ZNF469: variants seen among roughly 807,000 people sequenced by gnomAD.
The protein encoded by ZNF469 is zinc finger protein 469.
ZNF469 carries 1 observed loss-of-function variant against 1.0 expected under a neutral mutation model. The ratio of observed to expected loss-of-function variants is 1.00; its 90% CI spans 0.35 to 4.73. The LOEUF (loss-of-function observed/expected upper bound fraction) is 4.73, where lower values mean the gene tolerates loss of function less well. ZNF469 is among the 30% of genes most tolerant of loss of function. ZNF469 has a pLI of 0.16. For synonymous variants in ZNF469, 2,703 were observed against 2,363.4 expected, an observed-to-expected ratio of 1.14 and a Z score of -4.17; for missense variants, 6,100 against 5,356.3, an observed-to-expected ratio of 1.14 and a Z score of -4.33.
At chr16:88,276,704 TG>T in the ZNF469 span, 13 of 152,278 alleles carry the variant, frequency 8.5e-5, no homozygotes, top group African/African-American at 2.9e-4. Context: ...ATCATAGCAG[TG>T]CATGGGTCAG....
the ZNF469 span, among the ~76,000 whole-genome samples, chr16:88,283,569 A>C: frequency 6.6e-6 from 1 of 152,172 alleles, no homozygotes; most frequent in Admixed American, 6.5e-5. Context: ...TTTTCCCAAT[A>C]AAATGCTGGG....
the ZNF469 span, among the ~76,000 whole-genome samples, chr16:88,135,765 T>A: frequency 1.4e-5 from 2 of 139,896 alleles, 1 homozygote; most frequent in Non-Finnish European, 3.1e-5. Flanking sequence ...TTTTTTTTTT[T>A]TTTTTTTTTT....
At chr16:88,353,802 C>T in the ZNF469 span, among the ~76,000 whole-genome samples, 396 of 152,276 alleles carry the variant, frequency 2.6e-3, 4 homozygotes, top group African/African-American at 8.9e-3. Context: ...GGGGATGCGG[C>T]CACTCGCTGA....
intron 1 of ZNF469, among the ~76,000 whole-genome samples, chr16:88,396,566 CA>C (rs1481058331): frequency 1.3e-5 from 2 of 148,564 alleles, no homozygotes; most frequent in African/African-American, 2.5e-5. Flanking sequence ...GAAGGGAGGC[CA>C]GATGGAGACC....
At chr16:88,178,279 T>G in the ZNF469 span, 2 of 151,044 alleles carry the variant, frequency 1.3e-5, no homozygotes, top group African/African-American at 2.4e-5. Context: ...GGAGGAGGGT[T>G]TGAGAGTGGG....
At chr16:88,265,168 C>T in the ZNF469 span, among the ~76,000 whole-genome samples, 2 of 152,338 alleles carry the variant, frequency 1.3e-5, no homozygotes, top group African/African-American at 4.8e-5. Context: ...TCCCGCTCTG[C>T]CCTGGCCGCC....
the ZNF469 span, among the ~76,000 whole-genome samples, chr16:88,302,255 C>T: frequency 6.6e-6 from 1 of 152,252 alleles, no homozygotes; most frequent in Non-Finnish European, 1.5e-5. Context: ...TGCTGGGAAT[C>T]AGCCTCTTAT....
At chr16:88,239,612 C>T in the ZNF469 span, among the ~76,000 whole-genome samples, 7 of 143,224 alleles carry the variant, frequency 4.9e-5, no homozygotes, top group Middle Eastern at 3.5e-3. Context: ...CTCAGCCTCC[C>T]GAGTAGCTGG....
chr16:88,233,312 A>G, the ZNF469 span, among the ~76,000 whole-genome samples: 1 of 152,108 alleles, frequency 6.6e-6, no homozygotes, highest in Non-Finnish European at 1.5e-5. Flanking sequence ...GAAATCGCCA[A>G]CCTTCAGCAC....
At chr16:88,168,509 G>A in the ZNF469 span, among the ~76,000 whole-genome samples, 1 of 152,336 alleles carries the variant, frequency 6.6e-6, no homozygotes, top group South Asian at 2.1e-4. The surrounding 1 kb of genome is among the most constrained non-coding windows in gnomAD (Gnocchi z 4.3). Context: ...GGTTGCTCGT[G>A]TGTGATTGTG....
the ZNF469 span, among the ~76,000 whole-genome samples, chr16:88,243,949 T>TATATATATATATATATATAA: frequency 2.9e-4 from 27 of 94,258 alleles, 3 homozygotes; most frequent in Non-Finnish European, 5.3e-4. Flanking sequence ...TATATATATA[T>TATATATATATATATATATAA]ATAAATGTAT....
intron 1 of ZNF469, among the ~76,000 whole-genome samples, chr16:88,397,234 A>T (rs574388668): frequency 6.6e-6 from 1 of 152,334 alleles, no homozygotes; most frequent in East Asian, 1.9e-4. Context: ...TCATTGGCGG[A>T]CCCGGTGCCC....
At chr16:88,278,765 G>C in the ZNF469 span, among the ~76,000 whole-genome samples, 5 of 136,912 alleles carry the variant, frequency 3.7e-5, 1 homozygote, top group Non-Finnish European at 8.2e-5. Context: ...GCGCCACGCC[G>C]ACACTTGGTC....
chr16:88,146,350 C>T, the ZNF469 span, among the ~76,000 whole-genome samples: 1 of 152,148 alleles, frequency 6.6e-6, no homozygotes, highest in East Asian at 1.9e-4. Context: ...TGTGCCTGCT[C>T]CATTTATTAA....
the ZNF469 span, among the ~76,000 whole-genome samples, chr16:88,300,283 G>A: frequency 5.3e-5 from 8 of 152,276 alleles, no homozygotes; most frequent in African/African-American, 1.9e-4. Flanking sequence ...AGGGTGGGAG[G>A]TGGCCATGGA....
chr16:88,416,043 T>C (rs1905293545), intron 1 of ZNF469, among the ~76,000 whole-genome samples: 1 of 152,168 alleles, frequency 6.6e-6, no homozygotes, highest in Non-Finnish European at 1.5e-5. Context: ...ATAATCACTT[T>C]TAATTGAAAA....
At chr16:88,376,344 T>G in the ZNF469 span, among the ~76,000 whole-genome samples, 2 of 152,200 alleles carry the variant, frequency 1.3e-5, no homozygotes, top group African/African-American at 4.8e-5. Context: ...GACGTCTGAC[T>G]CCTTCACACA....
Position 88,438,771 on chromosome 16 carries a change from G to A in ZNF469, c.11301G>A (p.Lys3767=), listed in dbSNP as rs1194649271. 1.3e-6 allele frequency: 2 copies of A among 1,550,144 alleles called. No individual in the cohort carries two copies. Among genetic ancestry groups the A allele is most frequent in the Non-Finnish European group, 8.7e-7 (1 of 1,146,894 alleles). ...LQSETATTPA[K]PSFPSRSPAP... is the part of the protein sequence containing the mutation. The stretch of plus-strand genomic sequence containing the variant: ...GCGAGACAGCCACCACCCCAGCCAA[G>A]CCCAGCTTCCCCAGCCGGAGCCCTG... The change falls in exon 3 of 3, where the codon AAG becomes AAA. Residue 3767 remains lysine, a synonymous_variant. Coordinates refer to ENST00000565624, the MANE Select transcript of ZNF469 (RefSeq NM_001367624.2).
chr16:88,158,281 G>A, the ZNF469 span, among the ~76,000 whole-genome samples: 1 of 151,932 alleles, frequency 6.6e-6, no homozygotes, highest in Admixed American at 6.6e-5. Context: ...GGGAGTGGGG[G>A]CAGCTGTAAC....
Sources: allele counts gnomAD v4.1 joint callset (sites outside exome capture counted in the v4.1 genomes callset), GRCh38; gene constraint gnomAD v4.1.1; non-coding constraint Gnocchi (gnomAD v3.1); transcripts MANE v1.5; gene names NCBI Gene and HGNC (gene_info 2026-07-23, HGNC 2026-07-21).